Variants in NKAIN3 observed in about 807,000 individuals in gnomAD.
NKAIN3 encodes sodium/potassium transporting ATPase interacting 3, also known as sodium/potassium-transporting ATPase subunit beta-1-interacting protein 3.
In NKAIN3, 25 loss-of-function variants were observed where a neutral mutation model predicts 30.2. The observed-to-expected ratio is 0.83, with a 90% CI of 0.60 to 1.16. NKAIN3 has a LOEUF of 1.16. NKAIN3 is among the 50% of genes most tolerant of loss of function. NKAIN3 has a pLI of 0.00. For synonymous variants in NKAIN3, 91 were observed against 89.6 expected (o/e 1.02, Z -0.09); for missense variants, 225 against 254.1 (o/e 0.89, Z 0.78).
At position 62,328,990 on chromosome 8, in the gene NKAIN3, A is replaced by C. The variant is rs916609232; in HGVS notation, c.54+79863A>C. Among the ~76,000 whole-genome samples, 3 of 152,106 alleles carry C rather than the reference A, an allele frequency of 2.0e-5. No individual in the cohort carries two copies. In the South Asian group the frequency reaches 6.2e-4, roughly 32 times the overall value. On this transcript the variant is annotated intron_variant, in intron 1 of 6. Transcript: ENST00000623646. ...AAGATCGACTTCCATCTTTTGCATT[A>C]CCTTTTTTGGGTCACCCTCTCTGGG...
intron 3 of NKAIN3, among the ~76,000 whole-genome samples, chr8:62,671,403 G>A (rs1813299448): frequency 6.6e-6 from 1 of 152,054 alleles, no homozygotes; most frequent in African/African-American, 2.4e-5. Context: ...AGATAAGTAA[G>A]CACAATAAAC....
chr8:62,522,154 A>G (rs1199836214), intron 1 of NKAIN3, among the ~76,000 whole-genome samples: 2 of 152,140 alleles, frequency 1.3e-5, no homozygotes, highest in Non-Finnish European at 2.9e-5. Flanking sequence ...ATAGTCATAT[A>G]CTGCATAATG....
At chr8:62,804,711 A>C (rs1486752821) in intron 4 of NKAIN3, among the ~76,000 whole-genome samples, 3 of 152,250 alleles carry the variant, frequency 2.0e-5, no homozygotes, top group Non-Finnish European at 2.9e-5. Flanking sequence ...ATGGGCAAAA[A>C]CTGGAAGCAT....
At chr8:62,422,589 G>T (rs1804677011) in intron 1 of NKAIN3, among the ~76,000 whole-genome samples, 1 of 151,954 alleles carries the variant, frequency 6.6e-6, no homozygotes, top group Non-Finnish European at 1.5e-5. Flanking sequence ...TCTCCATCTG[G>T]CACTCATATG....
intron 4 of NKAIN3, among the ~76,000 whole-genome samples, chr8:62,866,491 A>G (rs1178386184): frequency 6.6e-6 from 1 of 152,224 alleles, no homozygotes; most frequent in African/African-American, 2.4e-5. Context: ...GCATTTCCTT[A>G]AAATTAATTG....
intron 4 of NKAIN3, chr8:62,855,620 A>C: frequency 1.2e-6 from 2 of 1,603,430 alleles, no homozygotes; most frequent in South Asian, 2.2e-5. Context: ...TTCAGTCTCC[A>C]TCAAATCCAA....
chr8:62,635,411 G>A (rs1812096711), intron 3 of NKAIN3, among the ~76,000 whole-genome samples: 1 of 152,154 alleles, frequency 6.6e-6, no homozygotes, highest in Non-Finnish European at 1.5e-5. Flanking sequence ...GCTTCTTAAA[G>A]GAGGGTCCTC....
At chr8:62,951,275 G>T (rs1368561746) in intron 5 of NKAIN3, among the ~76,000 whole-genome samples, 2 of 151,924 alleles carry the variant, frequency 1.3e-5, no homozygotes, top group South Asian at 2.1e-4. Context: ...TGACACATTA[G>T]GAGAAGAAGA....
chr8:62,762,160 A>G (rs1215804606), intron 4 of NKAIN3, among the ~76,000 whole-genome samples: 1 of 152,100 alleles, frequency 6.6e-6, no homozygotes, highest in Non-Finnish European at 1.5e-5. Flanking sequence ...TACTAAAAAT[A>G]TAAAAATTAG....
At chr8:62,281,160 A>C (rs75980299) in intron 1 of NKAIN3, among the ~76,000 whole-genome samples, 1 of 152,094 alleles carries the variant, frequency 6.6e-6, no homozygotes, top group Non-Finnish European at 1.5e-5. Flanking sequence ...GTGTATTTGC[A>C]TACAGGTGTT....
chr8:62,405,855 T>G (rs1804049503), intron 1 of NKAIN3, among the ~76,000 whole-genome samples: 1 of 152,240 alleles, frequency 6.6e-6, no homozygotes, highest in South Asian at 2.1e-4. Flanking sequence ...TCAAGTGTTC[T>G]TCATGAGCCA....
chr8:62,289,595 G>T (rs1813514206), intron 1 of NKAIN3, among the ~76,000 whole-genome samples: 1 of 152,018 alleles, frequency 6.6e-6, no homozygotes, highest in African/African-American at 2.4e-5. Context: ...CTATTCTATT[G>T]GTCTATATCT....
chr8:62,827,642 G>GA (rs1159411022), intron 4 of NKAIN3, among the ~76,000 whole-genome samples: 2 of 152,016 alleles, frequency 1.3e-5, no homozygotes, highest in African/African-American at 4.8e-5. Flanking sequence ...TCTATCACAT[G>GA]AATATGGTAG....
intron 1 of NKAIN3, among the ~76,000 whole-genome samples, chr8:62,426,839 G>C (rs1412986199): frequency 1.3e-5 from 2 of 151,920 alleles, no homozygotes; most frequent in Non-Finnish European, 2.9e-5. Flanking sequence ...ATGTCAAGTT[G>C]TTATCTCAGA....
chr8:62,988,854 T>C (rs1824258737), downstream of NKAIN3, among the ~76,000 whole-genome samples: 1 of 152,220 alleles, frequency 6.6e-6, no homozygotes, highest in Non-Finnish European at 1.5e-5. Flanking sequence ...TTCTATCACA[T>C]CATCAGGCTG....
At chr8:62,724,165 T>C (rs1486399691) in intron 3 of NKAIN3, among the ~76,000 whole-genome samples, 2 of 152,160 alleles carry the variant, frequency 1.3e-5, no homozygotes, top group Non-Finnish European at 2.9e-5. Flanking sequence ...TATTGTATAC[T>C]GTCTCGCTTA....
intron 5 of NKAIN3, among the ~76,000 whole-genome samples, chr8:62,996,795 G>C (rs555996217): frequency 6.6e-6 from 1 of 152,152 alleles, no homozygotes; most frequent in East Asian, 1.9e-4. Flanking sequence ...TTAAAGGTCC[G>C]TAATGATCTC....
intron 1 of NKAIN3, among the ~76,000 whole-genome samples, chr8:62,249,371 C>G (rs1243421117): frequency 1.3e-5 from 2 of 152,200 alleles, no homozygotes; most frequent in African/African-American, 4.8e-5. Context: ...CGCTGGGGTT[C>G]GCCGCGCTCC....
intron 3 of NKAIN3, among the ~76,000 whole-genome samples, chr8:62,630,536 A>G (rs961123486): frequency 5.9e-5 from 9 of 152,082 alleles, no homozygotes; most frequent in African/African-American, 1.7e-4. Flanking sequence ...AAATTTTCCA[A>G]GTGTATTCAG....
Sources: gnomAD v4.1 joint callset for allele counts (sites outside exome capture counted in the v4.1 genomes callset) on GRCh38, gnomAD v4.1.1 for gene constraint, MANE v1.5 for transcripts, NCBI Gene and HGNC (gene_info 2026-07-23, HGNC 2026-07-21) for gene names.